ZPBP: variants seen among roughly 807,000 people sequenced by gnomAD.
ZPBP encodes the protein zona pellucida-binding protein 1.
In ZPBP, 26 loss-of-function variants were observed where a neutral mutation model predicts 44.8. The ratio of observed to expected loss-of-function variants is 0.58; its 90% CI spans 0.43 to 0.81. ZPBP has a LOEUF of 0.81. Among genes scored for constraint, ZPBP ranks in the 30% least tolerant of loss-of-function variants. ZPBP has a pLI of 0.00. For synonymous variants in ZPBP, 174 were observed against 153.2 expected, an observed-to-expected ratio of 1.14 and a Z score of -1.00; for missense variants, 409 against 434.0, an observed-to-expected ratio of 0.94 and a Z score of 0.51.
intron 2 of ZPBP, among the ~76,000 whole-genome samples, chr7:49,865,631 CTGTT>C (rs1331753674): frequency 6.6e-6 from 1 of 152,300 alleles, no homozygotes; most frequent in East Asian, 1.9e-4. Flanking sequence ...TTTTGAGACT[CTGTT>C]TGTATATCAC....
intron 4 of ZPBP, among the ~76,000 whole-genome samples, chr7:50,048,096 C>T (rs1297183646): frequency 6.6e-6 from 1 of 151,988 alleles, no homozygotes; most frequent in East Asian, 1.9e-4. Context: ...ATACGCTTCT[C>T]CTACAGAGTC....
intron 7 of ZPBP, among the ~76,000 whole-genome samples, chr7:49,948,518 A>G (rs954570235): frequency 2.6e-5 from 4 of 152,182 alleles, no homozygotes; most frequent in African/African-American, 4.8e-5. Context: ...TTAAACTCCT[A>G]TAATTCAACA....
intron 2 of ZPBP, among the ~76,000 whole-genome samples, chr7:50,089,251 C>A (rs1036976039): frequency 6.6e-6 from 1 of 151,962 alleles, no homozygotes; most frequent in Non-Finnish European, 1.5e-5. Context: ...TTAAAAACCA[C>A]CAAAACAAGT....
At chr7:49,941,477 A>G (rs1325898950) in intron 7 of ZPBP, among the ~76,000 whole-genome samples, 2 of 152,166 alleles carry the variant, frequency 1.3e-5, no homozygotes, top group Non-Finnish European at 2.9e-5. Flanking sequence ...ATACACAAAA[A>G]TCAGTTATGT....
chr7:49,908,272 C>G (rs921171801), intron 1 of ZPBP, among the ~76,000 whole-genome samples: 6 of 152,088 alleles, frequency 3.9e-5, no homozygotes, highest in African/African-American at 1.4e-4. Context: ...ATGTCCAACG[C>G]CTACATTTCA....
At chr7:50,032,516 A>G (rs1040265339) in intron 4 of ZPBP, among the ~76,000 whole-genome samples, 3 of 152,180 alleles carry the variant, frequency 2.0e-5, no homozygotes, top group Non-Finnish European at 4.4e-5. Context: ...TACTCTTCTG[A>G]GTGTCCAGCA....
intron 1 of ZPBP, 166 bp downstream of exon 1, chr7:50,092,902 G>A: frequency 1.9e-6 from 2 of 1,067,308 alleles, no homozygotes; most frequent in South Asian, 1.8e-5. Context: ...CAAATGCAGA[G>A]TGACTTTGTA....
At chr7:49,995,456 T>C (rs1044621842) in intron 6 of ZPBP, among the ~76,000 whole-genome samples, 1 of 152,194 alleles carries the variant, frequency 6.6e-6, no homozygotes, top group Non-Finnish European at 1.5e-5. Context: ...ACGTTTGGTA[T>C]AACAGCTGCA....
In ZPBP at chr7:50,084,297, C is replaced by T. The variant is rs896715381; in HGVS notation, c.209-2398G>A. Reference sequence around the variant, plus strand: ...ATGAGAATGCTCAGGTCCTATGATGCTAAAACCTCTTCTCCTGGATAATAC... The same window carrying T: ...ATGAGAATGCTCAGGTCCTATGATGTTAAAACCTCTTCTCCTGGATAATAC... On this transcript the variant is annotated intron_variant, in intron 2 of 7. Transcript: ENST00000046087. Among the ~76,000 whole-genome samples the T allele has an allele frequency of 4.7e-5, 7 of 149,716 alleles. No individual in the cohort carries two copies. In the Admixed American group the frequency reaches 4.7e-4, roughly 10 times the overall value.
At chr7:49,842,277 G>T in the ZPBP span, among the ~76,000 whole-genome samples, 1 of 152,200 alleles carries the variant, frequency 6.6e-6, no homozygotes, top group Non-Finnish European at 1.5e-5. Context: ...CAGTGCCATA[G>T]CTCATGAGAG....
chr7:49,949,386 T>A (rs1795234254), intron 7 of ZPBP, among the ~76,000 whole-genome samples: 1 of 152,124 alleles, frequency 6.6e-6, no homozygotes. Flanking sequence ...TGTAGCCCAA[T>A]GCCCATCAGT....
chr7:50,034,158 T>G (rs1392312436), intron 4 of ZPBP, among the ~76,000 whole-genome samples: 1 of 151,740 alleles, frequency 6.6e-6, no homozygotes, highest in Non-Finnish European at 1.5e-5. Flanking sequence ...TATTAGATTC[T>G]AGCTTTGTCC....
At chr7:49,986,582 T>C (rs751890371) in intron 6 of ZPBP, among the ~76,000 whole-genome samples, 1 of 152,214 alleles carries the variant, frequency 6.6e-6, no homozygotes, top group Non-Finnish European at 1.5e-5. Flanking sequence ...ACCATTCGCA[T>C]AAGAATAAGA....
intron 1 of ZPBP, among the ~76,000 whole-genome samples, chr7:49,906,401 C>A (rs185983368): frequency 3.9e-5 from 6 of 152,014 alleles, no homozygotes; most frequent in African/African-American, 1.4e-4. Flanking sequence ...GTGGCGGCGA[C>A]CTCAGCTCAC....
intron 7 of ZPBP, among the ~76,000 whole-genome samples, chr7:49,971,557 CAAAAG>C (rs1796306653): frequency 6.6e-6 from 1 of 151,960 alleles, no homozygotes; most frequent in Admixed American, 6.6e-5. Context: ...AAAAATGACT[CAAAAG>C]AAACAGAAAA....
At chr7:49,844,860 A>T in the ZPBP span, among the ~76,000 whole-genome samples, 1 of 151,868 alleles carries the variant, frequency 6.6e-6, no homozygotes, top group Non-Finnish European at 1.5e-5. Context: ...GTCCAACTAA[A>T]TTTTTGTATT....
intron 2 of ZPBP, among the ~76,000 whole-genome samples, chr7:50,089,089 T>C (rs1245325668): frequency 1.3e-5 from 2 of 152,090 alleles, no homozygotes; most frequent in East Asian, 3.8e-4. Context: ...TGAAGAATGA[T>C]TGCATAATGG....
intron 6 of ZPBP, among the ~76,000 whole-genome samples, chr7:49,993,434 TA>T (rs567720152): frequency 2.6e-5 from 4 of 152,234 alleles, no homozygotes; most frequent in African/African-American, 9.6e-5. Context: ...ATAACTAAAT[TA>T]AACACAATTG....
At chr7:49,957,069 C>T (rs779404685) in intron 7 of ZPBP, among the ~76,000 whole-genome samples, 20 of 152,166 alleles carry the variant, frequency 1.3e-4, no homozygotes, top group Non-Finnish European at 2.5e-4. Flanking sequence ...GGGTTGGATT[C>T]TGAGTTTGGC....
Sources: allele counts gnomAD v4.1 joint callset (sites outside exome capture counted in the v4.1 genomes callset), GRCh38; gene constraint gnomAD v4.1.1; transcripts MANE v1.5; gene names NCBI Gene and HGNC (gene_info 2026-07-23, HGNC 2026-07-21).